The following HADHB variants were observed in gnomAD, a reference collection of about 807,000 sequenced individuals.
HADHB encodes the protein hydroxyacyl-CoA dehydrogenase trifunctional multienzyme complex subunit beta, also known as trifunctional enzyme subunit beta, mitochondrial.
Under a neutral mutation model 61.9 loss-of-function variants are expected in HADHB, and 50 were observed. The observed-to-expected ratio is 0.81, with a 90% CI of 0.64 to 1.02. The LOEUF is 1.02. Ranked by LOEUF, HADHB falls within the 50% of genes least tolerant of loss-of-function variation. HADHB has a pLI of 0.00. For missense variants in HADHB, 504 were observed against 586.5 expected (o/e 0.86, Z 1.45); for synonymous variants, 191 against 201.6 (o/e 0.95, Z 0.45).
At chr2:26,275,269 A>G (rs1223312864) in intron 6 of HADHB, among the ~76,000 whole-genome samples, 2 of 151,914 alleles carry the variant, frequency 1.3e-5, no homozygotes, top group Non-Finnish European at 2.9e-5. Flanking sequence ...ATTTTCAGCC[A>G]AAGAGTTTCT....
intron 8 of HADHB, 49 bp from the exon 9 acceptor site, chr2:26,279,086 A>G: frequency 2.9e-6 from 4 of 1,397,050 alleles, no homozygotes; most frequent in Non-Finnish European, 3.1e-6. Context: ...AGGTGTTAGC[A>G]TAACACCGGT....
chr2:26,271,137 C>T (rs372374548), intron 5 of HADHB, among the ~76,000 whole-genome samples: 11 of 150,326 alleles, frequency 7.3e-5, no homozygotes, highest in African/African-American at 2.4e-4. Flanking sequence ...CCTCGTGATC[C>T]GCCCTCCTCG....
intron 5 of HADHB, among the ~76,000 whole-genome samples, chr2:26,271,641 C>G (rs1672352771): frequency 6.6e-6 from 1 of 152,144 alleles, no homozygotes; most frequent in Non-Finnish European, 1.5e-5. Context: ...TTAAAAATCT[C>G]ATCTACTAGC....
intron 3 of HADHB, among the ~76,000 whole-genome samples, chr2:26,257,425 C>T (rs1671672978): frequency 6.6e-6 from 1 of 151,920 alleles, no homozygotes; most frequent in African/African-American, 2.4e-5. Flanking sequence ...CGGCCAAGAG[C>T]TCCCCTTCTA....
intron 3 of HADHB, among the ~76,000 whole-genome samples, chr2:26,257,120 T>A (rs967673857): frequency 6.7e-6 from 1 of 150,262 alleles, no homozygotes; most frequent in East Asian, 1.9e-4. Flanking sequence ...CTTCTTTTTT[T>A]TTTTTTTTCT....
chr2:26,285,047 A>G, intron 14 of HADHB, 90 bp downstream of exon 14: 1 of 769,706 alleles, frequency 1.3e-6, no homozygotes. Context: ...ATGAAGGGAA[A>G]GCTTCTCTTT....
intron 3 of HADHB, chr2:26,261,116 T>A: frequency 2.2e-6 from 2 of 894,162 alleles, no homozygotes; most frequent in East Asian, 2.6e-5. Flanking sequence ...GACTTAGGGA[T>A]GTGTCTATGG....
chr2:26,266,095 GA>G (rs36093542), intron 4 of HADHB, among the ~76,000 whole-genome samples: 3,127 of 138,748 alleles, frequency 0.023, 37 homozygotes, highest in Middle Eastern at 0.029. Context: ...ACAAAAAAAA[GA>G]AAAAAAAAAA....
At chr2:26,260,686 G>T in intron 3 of HADHB, 1 of 307,410 alleles carries the variant, frequency 3.3e-6, no homozygotes, top group Non-Finnish European at 6.1e-6. Context: ...TTTTGGTGTA[G>T]TAATGGACCC....
intron 15 of HADHB, among the ~76,000 whole-genome samples, chr2:26,287,467 C>T (rs1380760495): frequency 1.3e-5 from 2 of 152,150 alleles, no homozygotes; most frequent in Non-Finnish European, 2.9e-5. Context: ...AGTGCGTAAT[C>T]CACATAGGGT....
At chr2:26,266,871 CAAA>C (rs56401595) in intron 4 of HADHB, among the ~76,000 whole-genome samples, 833 of 45,386 alleles carry the variant, frequency 0.018, 11 homozygotes, top group Admixed American at 0.023. Flanking sequence ...CACTCTCTCT[CAAA>C]AAAAAAAAAA....
chr2:26,284,909 C>T lies in HADHB; in HGVS notation c.1176C>T (p.Ala392=). 1 of 1,597,338 alleles carries T rather than the reference C, an allele frequency of 6.3e-7. No individual in the cohort carries two copies. The highest frequency in any genetic ancestry group is 8.6e-7 in the Non-Finnish European group (1 of 1,164,848). The stretch of plus-strand genomic sequence containing the variant: ...GTCAGATTTTGGCAAATTTTAAAGC[C>T]ATGGATTCTGATTGGTTTGCAGAAA... ...FSGQILANFK[A]MDSDWFAENY... is the part of the protein sequence containing the mutation. Residue 392 remains alanine (A), a synonymous_variant, in exon 14 of 16, where the codon GCC becomes GCT. Coordinates refer to ENST00000317799, the MANE Select transcript of HADHB (RefSeq NM_000183.3).
intron 6 of HADHB, among the ~76,000 whole-genome samples, chr2:26,275,644 C>G (rs1468266745): frequency 6.6e-6 from 1 of 152,182 alleles, no homozygotes; most frequent in Non-Finnish European, 1.5e-5. Flanking sequence ...CGTCTCTCTT[C>G]CTTTCGGATT....
At chr2:26,257,260 A>G (rs1000085580) in intron 3 of HADHB, among the ~76,000 whole-genome samples, 2 of 151,744 alleles carry the variant, frequency 1.3e-5, no homozygotes, top group African/African-American at 4.8e-5. Flanking sequence ...AGCTGGGACT[A>G]CAGGTGCCCG....
chr2:26,278,363 G>A (rs1310301200), intron 7 of HADHB, among the ~76,000 whole-genome samples: 1 of 152,182 alleles, frequency 6.6e-6, no homozygotes, highest in East Asian at 1.9e-4. Context: ...TTCAAGAGTT[G>A]GTCCAATGGA....
At chr2:26,283,598 T>C (rs895412217) in intron 12 of HADHB, among the ~76,000 whole-genome samples, 4 of 152,204 alleles carry the variant, frequency 2.6e-5, no homozygotes, top group African/African-American at 9.6e-5. Context: ...TGGATTATTT[T>C]CCATTTTTTT....
chr2:26,263,628 G>A (rs1319526920), intron 4 of HADHB, 149 bp downstream of exon 4: 1 of 692,420 alleles, frequency 1.4e-6, no homozygotes, highest in Non-Finnish European at 2.7e-6. Flanking sequence ...AATAAGTCAA[G>A]ACAGTGGTGA....
At chr2:26,259,899 G>T (rs1671789615) in intron 3 of HADHB, among the ~76,000 whole-genome samples, 1 of 152,132 alleles carries the variant, frequency 6.6e-6, no homozygotes. Flanking sequence ...ATAAGTAAAG[G>T]CAAGGAGGCT....
chr2:26,263,421 A>G lies in HADHB; in HGVS notation c.151A>G (p.Ile51Val), dbSNP rs1671940515. The G allele has an allele frequency of 6.2e-7, 1 of 1,613,508 alleles. No individual in the cohort carries two copies. Among genetic ancestry groups the G allele is most frequent in the Non-Finnish European group, 8.5e-7 (1 of 1,179,490 alleles). ...KTKKTLAKPN[I>V]RNVVVVDGVR... Reference sequence around the variant, plus strand: ...GAAGAAGACGTTAGCCAAACCCAATATAAGGAATGTTGTGGTGGTGGATGG... The same window carrying G: ...GAAGAAGACGTTAGCCAAACCCAATGTAAGGAATGTTGTGGTGGTGGATGG... The change falls in exon 4 of 16, where the codon ATA (isoleucine) becomes GTA (valine). Residue 51 changes from isoleucine (I) to valine (V), a missense_variant. Transcript: ENST00000317799.
Sources: allele counts gnomAD v4.1 joint callset (sites outside exome capture counted in the v4.1 genomes callset), GRCh38; gene constraint gnomAD v4.1.1; transcripts MANE v1.5; gene names NCBI Gene and HGNC (gene_info 2026-07-23, HGNC 2026-07-21).